Variants in DNAH17 observed in about 807,000 individuals in gnomAD.
The protein encoded by DNAH17 is axonemal beta dynein heavy chain 17.
In DNAH17, 376 loss-of-function variants were observed where a neutral mutation model predicts 485.6. That is an observed-to-expected ratio of 0.77 (90% confidence interval 0.71 to 0.84). DNAH17 has a LOEUF of 0.84. Ranked by LOEUF, DNAH17 falls within the 40% of genes least tolerant of loss-of-function variation. The probability of loss-of-function intolerance (pLI) is 0.00; values close to 1 mark genes in which losing one functional copy is unlikely to be tolerated. For missense variants in DNAH17, 6,370 were observed against 5,839.3 expected, an observed-to-expected ratio of 1.09 and a Z score of -2.96; for synonymous variants, 3,031 against 2,405.9, an observed-to-expected ratio of 1.26 and a Z score of -7.60.
In DNAH17 at chr17:78,479,551, G is replaced by C; in HGVS notation, c.7834C>G (p.Leu2612Val). 1 of 1,613,728 alleles carries C rather than the reference G, an allele frequency of 6.2e-7. No individual in the cohort carries two copies. Among genetic ancestry groups the C allele is most frequent in the Admixed American group, 1.7e-5 (1 of 60,018 alleles). ...GCCATGGAGACCGAGCGGAAGGCCA[G>C]GTGCTGCGTCAGGATTGTGTTGTAG... Reference protein sequence around the residue: ...TIYNTILTQHLAFRSVSMAIQ... With the variant: ...TIYNTILTQHVAFRSVSMAIQ... Residue 2612 changes from leucine to valine, a missense_variant, in exon 50 of 81, where the codon CTG becomes GTG. Physicochemically the swap from Leu to Val is conservative, Grantham distance 32. Coordinates refer to ENST00000389840, the MANE Select transcript of DNAH17 (RefSeq NM_173628.4).
At chr17:78,460,058 GC>G (rs2088021323) in intron 59 of DNAH17, 57 bp from the exon 60 acceptor site, 3 of 1,599,628 alleles carry the variant, frequency 1.9e-6, no homozygotes, top group Non-Finnish European at 2.6e-6. Context: ...CCTCGGTGAT[GC>G]CCCGAAGAAG....
intron 13 of DNAH17, among the ~76,000 whole-genome samples, chr17:78,560,208 C>A (rs1485174804): frequency 2.6e-5 from 4 of 152,176 alleles, no homozygotes; most frequent in Non-Finnish European, 4.4e-5. Flanking sequence ...GTAGTAGGTG[C>A]TCAGTAAGTA....
In DNAH17 at chr17:78,551,504, A is replaced by G. The variant is rs751208565; in HGVS notation, c.2391+31T>C. 3.1e-6 allele frequency: 5 copies of G among 1,606,232 alleles called. No homozygotes were observed. In the African/African-American group the frequency reaches 5.4e-5, roughly 17 times the overall value. ...CCAGGGCAGCCCCAGGCCCCCACAA[A>G]GCCCCACTCTGTGCTCTGCCCCTTG... On this transcript the variant is annotated intron_variant, in intron 16 of 80. Transcript: ENST00000389840.
chr17:78,428,310 C>G, intron 77 of DNAH17: 1 of 624,238 alleles, frequency 1.6e-6, no homozygotes, highest in Admixed American at 2.3e-5. Context: ...TGTCTGGGCC[C>G]GTACGCTCAC....
intron 66 of DNAH17, 121 bp downstream of exon 66, chr17:78,451,348 T>C: frequency 1.1e-6 from 1 of 906,576 alleles, no homozygotes; most frequent in Non-Finnish European, 1.7e-6. Flanking sequence ...CTGAGGCACC[T>C]TCAGAGAGAA....
chr17:78,555,471 A>AT (rs1291578641), intron 14 of DNAH17, among the ~76,000 whole-genome samples: 1 of 141,824 alleles, frequency 7.1e-6, no homozygotes, highest in Non-Finnish European at 1.5e-5. Flanking sequence ...GGACAAAGAT[A>AT]TTACGGCCCC....
intron 54 of DNAH17, among the ~76,000 whole-genome samples, chr17:78,469,897 G>A (rs1937688691): frequency 6.6e-6 from 1 of 152,086 alleles, no homozygotes; most frequent in African/African-American, 2.4e-5. Flanking sequence ...AAAGAAGAAT[G>A]GAGGTTGCCA....
chr17:78,519,155 G>A (rs1319684611), intron 25 of DNAH17, among the ~76,000 whole-genome samples: 12 of 113,096 alleles, frequency 1.1e-4, no homozygotes, highest in South Asian at 3.1e-4. Flanking sequence ...GTGAAAGAGC[G>A]AGACTCCGTC....
intron 56 of DNAH17, among the ~76,000 whole-genome samples, chr17:78,465,131 T>C (rs2088356434): frequency 6.6e-6 from 1 of 152,202 alleles, no homozygotes; most frequent in South Asian, 2.1e-4. Flanking sequence ...GGGGTTTCGC[T>C]GTGTTGCCCA....
intron 56 of DNAH17, among the ~76,000 whole-genome samples, chr17:78,465,851 T>G (rs1048042557): frequency 1.4e-5 from 2 of 146,002 alleles, no homozygotes; most frequent in African/African-American, 5.2e-5. Flanking sequence ...GTCCGGGAGG[T>G]GAGGGGCGCC....
At position 78,550,813 on chromosome 17, in the gene DNAH17, T is replaced by G. The variant is rs1360711637; in HGVS notation, c.2391+722A>C. ...CAAGAAACCCCTGACCTGGACAAGA[T>G]CATTGTAGATGAGGTCAAAAGAAAG... On this transcript the variant is annotated intron_variant, in intron 16 of 80. Coordinates refer to ENST00000389840, the MANE Select transcript of DNAH17 (RefSeq NM_173628.4). Among the ~76,000 whole-genome samples the G allele has an allele frequency of 2.0e-5, 3 of 152,132 alleles. No homozygotes were observed. In the East Asian group the frequency reaches 5.8e-4, roughly 29 times the overall value.
chr17:78,458,795 G>A, intron 61 of DNAH17, 115 bp from the exon 62 acceptor site: 1 of 1,107,614 alleles, frequency 9.0e-7, no homozygotes, highest in Non-Finnish European at 1.4e-6. Flanking sequence ...CTCCCACAAA[G>A]GCTGAGAGCC....
At chr17:78,505,148 T>C in intron 31 of DNAH17, 145 bp downstream of exon 31, 1 of 1,062,852 alleles carries the variant, frequency 9.4e-7, no homozygotes, top group Non-Finnish European at 1.3e-6. Flanking sequence ...AAGTGTTTTC[T>C]AGAGAGGGAG....
In DNAH17 at chr17:78,423,845, C is replaced by G; in HGVS notation, c.*61G>C. The G allele has an allele frequency of 9.4e-6, 15 of 1,593,014 alleles. No homozygotes were observed. Among genetic ancestry groups the G allele is most frequent in the Non-Finnish European group, 1.3e-5 (15 of 1,166,560 alleles). On this transcript the variant is annotated 3_prime_UTR_variant, in exon 81 of 81. Transcript: ENST00000389840. ...CTGTAAAGAATAAGTCACAGGTGCA[C>G]AGGTGAAGGGCTGAGTTGTGGTCCA...
intron 17 of DNAH17, among the ~76,000 whole-genome samples, chr17:78,543,006 G>A (rs1475924244): frequency 6.6e-6 from 1 of 152,260 alleles, no homozygotes; most frequent in Non-Finnish European, 1.5e-5. Context: ...GAGGGCTCTG[G>A]TACCCTTAGC....
chr17:78,458,375 T>C (rs1301684353), intron 62 of DNAH17, 190 bp downstream of exon 62: 3 of 597,122 alleles, frequency 5.0e-6, no homozygotes, highest in Non-Finnish European at 6.0e-6. Context: ...CGACAGGGCA[T>C]ATTTTGTGGA....
In DNAH17 at chr17:78,560,741, G is replaced by T. The variant is rs373946810; in HGVS notation, c.2030C>A (p.Ala677Glu). 6.5e-7 allele frequency: 1 copy of T among 1,548,718 alleles called. No homozygotes were observed. Among genetic ancestry groups the T allele is most frequent in the Non-Finnish European group, 8.7e-7 (1 of 1,144,996 alleles). ...GCGGTCCCCACTCCTGGCACCCACC[G>T]CTTTGCTGAAGTTGACGTGGATGAG... ...SNLIHVNFSK[A>E]LVAVLREVKY... Residue 677 changes from alanine (A) to glutamate (E), a missense_variant and splice_region_variant, in exon 13 of 81, where the codon GCG becomes GAG. Transcript: ENST00000389840.
chr17:78,481,785 T>C (rs978184645), intron 48 of DNAH17, among the ~76,000 whole-genome samples: 1 of 152,104 alleles, frequency 6.6e-6, no homozygotes, highest in African/African-American at 2.4e-5. Context: ...GAGGCTGAGA[T>C]GGGCAGATCA....
chr17:78,473,241 C>T (rs74001351), intron 54 of DNAH17, among the ~76,000 whole-genome samples: 18,278 of 152,078 alleles, frequency 0.12, 1,231 homozygotes, highest in South Asian at 0.2. Context: ...TCCACAGAAG[C>T]GGCTTAAGAA....
Sources: gnomAD v4.1 joint callset for allele counts (sites outside exome capture counted in the v4.1 genomes callset) on GRCh38, gnomAD v4.1.1 for gene constraint, MANE v1.5 for transcripts, NCBI Gene and HGNC (gene_info 2026-07-23, HGNC 2026-07-21) for gene names.